LRP1B: variants seen among roughly 807,000 people sequenced by gnomAD.
LRP1B encodes the protein LDL receptor related protein 1B, also known as low-density lipoprotein receptor-related protein 1B.
Under a neutral mutation model 556.6 loss-of-function variants are expected in LRP1B, and 217 were observed. The observed-to-expected ratio is 0.39, with a 90% CI of 0.35 to 0.44. The LOEUF (loss-of-function observed/expected upper bound fraction) is 0.44, where lower values mean the gene tolerates loss of function less well. Among genes scored for constraint, LRP1B ranks in the 20% least tolerant of loss-of-function variants. The pLI is 1.00. For synonymous variants in LRP1B, 2,047 were observed against 1,865.8 expected, an observed-to-expected ratio of 1.10 and a Z score of -2.50; for missense variants, 5,053 against 5,620.8, an observed-to-expected ratio of 0.90 and a Z score of 3.23.
intron 1 of LRP1B, among the ~76,000 whole-genome samples, chr2:142,025,289 C>T (rs904838446): frequency 1.3e-5 from 2 of 151,974 alleles, no homozygotes; most frequent in African/African-American, 4.8e-5. Flanking sequence ...AATATTTTAC[C>T]AGGAACAGTT....
At chr2:140,691,791 T>C (rs866884546) in intron 41 of LRP1B, among the ~76,000 whole-genome samples, 7 of 152,164 alleles carry the variant, frequency 4.6e-5, no homozygotes, top group African/African-American at 1.7e-4. Context: ...ATGGTATCTA[T>C]GTTAATATTG....
intron 3 of LRP1B, among the ~76,000 whole-genome samples, chr2:141,447,289 G>A (rs896590885): frequency 1.4e-4 from 21 of 151,704 alleles, no homozygotes; most frequent in African/African-American, 5.1e-4. Flanking sequence ...TCTCTAAACT[G>A]GTTATTCTAG....
At chr2:142,049,317 T>G (rs1422284228) in intron 1 of LRP1B, among the ~76,000 whole-genome samples, 2 of 152,244 alleles carry the variant, frequency 1.3e-5, no homozygotes, top group African/African-American at 4.8e-5. Flanking sequence ...TTTGTCTGAA[T>G]TTTTCTTTTC....
chr2:140,235,320 A>G (rs1320126095), intron 89 of LRP1B, among the ~76,000 whole-genome samples: 1 of 151,218 alleles, frequency 6.6e-6, no homozygotes, highest in Admixed American at 6.6e-5. Context: ...TAGAAATTTT[A>G]CCCTCTTTGA....
chr2:140,561,011 C>G (rs1474236049), intron 43 of LRP1B, among the ~76,000 whole-genome samples: 2 of 152,036 alleles, frequency 1.3e-5, no homozygotes, highest in East Asian at 3.9e-4. Flanking sequence ...ACCTCAGAAG[C>G]AGCCTCAGAA....
At chr2:141,598,772 T>C (rs181665443) in intron 2 of LRP1B, among the ~76,000 whole-genome samples, 2 of 152,064 alleles carry the variant, frequency 1.3e-5, no homozygotes, top group African/African-American at 4.8e-5. Context: ...GAAATACAGA[T>C]GAAATGAGAC....
intron 1 of LRP1B, among the ~76,000 whole-genome samples, chr2:141,852,776 C>T (rs186813834): frequency 1.3e-5 from 2 of 151,114 alleles, no homozygotes; most frequent in Admixed American, 1.3e-4. Context: ...ATAAAATAAA[C>T]TACAAATGGG....
Position 141,791,521 on chromosome 2 carries a change from A to G in LRP1B, c.205+18758T>C, listed in dbSNP as rs372257127. On this transcript the variant is annotated intron_variant, in intron 2 of 90. Coordinates refer to ENST00000389484, the MANE Select transcript of LRP1B (RefSeq NM_018557.3). ...AACATTTTTGCTGGATTGTTAACTT[A>G]TTAACCAAACAATTAGAGATCAGAC... 5.3e-5 allele frequency among the ~76,000 whole-genome samples: 8 copies of G among 152,232 alleles called. No individual in the cohort carries two copies. The East Asian group carries it at 5.8e-4, about 11-fold the overall frequency.
intron 41 of LRP1B, among the ~76,000 whole-genome samples, chr2:140,692,542 T>G (rs1686281995): frequency 6.6e-6 from 1 of 152,038 alleles, no homozygotes; most frequent in Admixed American, 6.6e-5. Flanking sequence ...AAATTATGGG[T>G]GGAAAAATCT....
At chr2:141,264,916 G>A (rs552075041) in intron 3 of LRP1B, among the ~76,000 whole-genome samples, 3 of 152,152 alleles carry the variant, frequency 2.0e-5, no homozygotes, top group African/African-American at 7.2e-5. Context: ...ATCAACCTTG[G>A]AAGAGCTGTC....
chr2:141,199,889 A>T (rs975443731), intron 6 of LRP1B, among the ~76,000 whole-genome samples: 4 of 152,032 alleles, frequency 2.6e-5, no homozygotes, highest in Non-Finnish European at 5.9e-5. Context: ...TCTCACATCA[A>T]TCAGAATGAC....
intron 7 of LRP1B, among the ~76,000 whole-genome samples, chr2:141,092,981 TG>T (rs1285809252): frequency 1.3e-5 from 2 of 151,898 alleles, no homozygotes; most frequent in Non-Finnish European, 2.9e-5. Context: ...TGAATATTTC[TG>T]TGACACAAAG....
chr2:140,851,376 T>C (rs1282195046), intron 28 of LRP1B, among the ~76,000 whole-genome samples: 1 of 152,088 alleles, frequency 6.6e-6, no homozygotes, highest in Non-Finnish European at 1.5e-5. Context: ...AGAGATAAAC[T>C]CTGCTAACGT....
At chr2:141,337,437 A>G (rs1322033072) in intron 3 of LRP1B, among the ~76,000 whole-genome samples, 2 of 152,156 alleles carry the variant, frequency 1.3e-5, no homozygotes, top group Non-Finnish European at 2.9e-5. Flanking sequence ...AGATGTCTTT[A>G]TATATTCTGA....
At chr2:140,718,543 C>T (rs139708920) in intron 35 of LRP1B, among the ~76,000 whole-genome samples, 53 of 152,018 alleles carry the variant, frequency 3.5e-4, no homozygotes, top group African/African-American at 1.2e-3. Flanking sequence ...ATGAGTCTTG[C>T]TTTGCCGCTT....
chr2:141,958,374 C>G (rs760547653), intron 1 of LRP1B, among the ~76,000 whole-genome samples: 16 of 151,934 alleles, frequency 1.1e-4, no homozygotes, highest in Admixed American at 7.2e-4. Context: ...GCTATGAAGT[C>G]ATTTGCAGTA....
At chr2:140,696,431 G>C (rs1686432387) in intron 41 of LRP1B, among the ~76,000 whole-genome samples, 1 of 152,066 alleles carries the variant, frequency 6.6e-6, no homozygotes. Flanking sequence ...TATTTTTTAA[G>C]TTTTAGTCAG....
chr2:141,531,407 T>C (rs894711021), intron 2 of LRP1B, among the ~76,000 whole-genome samples: 2 of 152,112 alleles, frequency 1.3e-5, no homozygotes, highest in Non-Finnish European at 2.9e-5. Context: ...TTGGTCAATA[T>C]CTCCTTTTCA....
At chr2:140,941,649 C>A (rs534313510) in intron 20 of LRP1B, among the ~76,000 whole-genome samples, 8 of 152,260 alleles carry the variant, frequency 5.3e-5, no homozygotes, top group African/African-American at 1.9e-4. Flanking sequence ...TGAAACCTAC[C>A]ATGGGAACCT....
Sources: gnomAD v4.1 joint callset for allele counts (sites outside exome capture counted in the v4.1 genomes callset) on GRCh38, gnomAD v4.1.1 for gene constraint, MANE v1.5 for transcripts, NCBI Gene and HGNC (gene_info 2026-07-23, HGNC 2026-07-21) for gene names.